The following MATK variants were observed in gnomAD, a reference collection of about 807,000 sequenced individuals.
MATK encodes the protein megakaryocyte-associated tyrosine kinase.
Under a neutral mutation model 59.8 loss-of-function variants are expected in MATK, and 41 were observed. The observed-to-expected ratio is 0.69, with a 90% CI of 0.53 to 0.89. The LOEUF (loss-of-function observed/expected upper bound fraction) is 0.89, where lower values mean the gene tolerates loss of function less well. MATK is among the 40% of genes least tolerant of loss of function. The pLI is 0.00. For synonymous variants in MATK, 308 were observed against 306.1 expected (o/e 1.01, Z -0.06); for missense variants, 593 against 719.6 (o/e 0.82, Z 2.01).
chr19:3,801,317 A>G (rs1407525736), intron 1 of MATK, among the ~76,000 whole-genome samples: 5 of 151,708 alleles, frequency 3.3e-5, no homozygotes, highest in African/African-American at 1.2e-4. Context: ...CTTTTCCCAA[A>G]CGACCCCCGA....
chr19:3,789,270 C>T (rs144949051), upstream of MATK: 9 of 777,722 alleles, frequency 1.2e-5, no homozygotes, highest in African/African-American at 1.5e-4. Context: ...ATTTGATTCT[C>T]ACCAGAAGCT....
At chr19:3,801,561 T>C (rs11671451) in exon 1 of MATK, 146,439 of 152,368 alleles carry the variant, frequency 0.96, 70,398 homozygotes, top group African/African-American at 0.99. Flanking sequence ...GGCTCGCAGC[T>C]AGCATCCGCA....
Position 3,779,075 on chromosome 19 carries a change from CA to C in MATK, c.1113del (p.Phe371LeufsTer11). ...SEDLVAKVSD[F>X]GLAKAERKGL... ...CCCTTCCGCTCGGCTTTGGCCAGGC[CA>C]AAGTCGCTGACCTTGGCCACCAGGT... On this transcript the variant is annotated frameshift_variant, in exon 12 of 14. Transcript: ENST00000310132. LOFTEE classifies it high-confidence loss of function. The C allele has an allele frequency of 6.2e-7, 1 of 1,609,098 alleles. No homozygotes were observed.
At chr19:3,788,598 AAC>A (rs1253030695), upstream of MATK, among the ~76,000 whole-genome samples, 2 of 143,134 alleles carry the variant, frequency 1.4e-5, no homozygotes, top group Non-Finnish European at 3.0e-5. Flanking sequence ...CAGCCTGGGC[AAC>A]AGAGTGAGAC....
chr19:3,800,204 A>C (rs2037630644), intron 1 of MATK, among the ~76,000 whole-genome samples: 5 of 152,308 alleles, frequency 3.3e-5, no homozygotes, highest in Admixed American at 3.3e-4. Context: ...GGGTCATGAG[A>C]AGAATTAAAT....
At chr19:3,796,615 T>C (rs2037597283) in intron 1 of MATK, among the ~76,000 whole-genome samples, 1 of 152,120 alleles carries the variant, frequency 6.6e-6, no homozygotes, top group African/African-American at 2.4e-5. Flanking sequence ...CCCCAGCCTC[T>C]CCACCAGAAC....
chr19:3,784,172 A>C lies in MATK; in HGVS notation c.314T>G (p.Leu105Arg). 6.2e-7 allele frequency: 1 copy of C among 1,613,382 alleles called. No homozygotes were observed. The highest frequency in any genetic ancestry group is 8.5e-7 in the Non-Finnish European group (1 of 1,179,746). Residue 105 changes from leucine (L) to arginine (R), a missense_variant, in exon 5 of 14, where the codon CTG becomes CGG. Leu to Arg is a moderately radical substitution (Grantham distance 102). Coordinates refer to ENST00000310132, the MANE Select transcript of MATK (RefSeq NM_139355.3). ...GQEGLLAAGA[L>R]REREALSADP... ...TGCGGAGAGGGCCTCCCGCTCCCGC[A>C]GCGCCCCAGCTGCCAGCAGCCCCTC...
In MATK at chr19:3,779,878, C is replaced by G. The variant is rs866187774; in HGVS notation, c.743-81G>C. ...AGAGAGACAGACGGACAGGCCCGCT[C>G]ACACCGGTGCCCATGTAACATTCAC... On this transcript the variant is annotated intron_variant, in intron 8 of 13. Coordinates refer to ENST00000310132, the MANE Select transcript of MATK (RefSeq NM_139355.3). The G allele has an allele frequency of 1.5e-4, 125 of 844,868 alleles. 3 individuals are homozygous for G. The Middle Eastern group carries it at 4.6e-3, about 31-fold the overall frequency. 52.3% of individuals were successfully genotyped at this position (844,868 alleles called of 1,614,324 possible).
intron 1 of MATK, among the ~76,000 whole-genome samples, chr19:3,799,410 C>T (rs1381110297): frequency 1.3e-5 from 2 of 152,188 alleles, no homozygotes; most frequent in African/African-American, 2.4e-5. Flanking sequence ...CCAAGGAAGG[C>T]AGTGAGTGTT....
intron 1 of MATK, among the ~76,000 whole-genome samples, chr19:3,792,866 C>A (rs2037556382): frequency 6.6e-6 from 1 of 152,184 alleles, no homozygotes; most frequent in Non-Finnish European, 1.5e-5. Flanking sequence ...GTGGGGAGGC[C>A]ACTGCAGCCA....
At position 3,784,043 on chromosome 19, in the gene MATK, CG is replaced by C; in HGVS notation, c.363-11del. The C allele has an allele frequency of 6.2e-7, 1 of 1,600,550 alleles. No homozygotes were observed. The highest frequency in any genetic ancestry group is 8.5e-7 in the Non-Finnish European group (1 of 1,172,016). On this transcript the variant is annotated splice_polypyrimidine_tract_variant and intron_variant, in intron 5 of 13. Coordinates refer to ENST00000310132, the MANE Select transcript of MATK (RefSeq NM_139355.3). ...CTTCCCGTGGAACCACCTGCGGCCA[CG>C]GAAGGGGTGGGTCAGACTGGGCTGT...
At chr19:3,796,549 T>G (rs1435280557) in intron 1 of MATK, among the ~76,000 whole-genome samples, 1 of 152,172 alleles carries the variant, frequency 6.6e-6, no homozygotes, top group Admixed American at 6.6e-5. Flanking sequence ...GGGACCTGCT[T>G]TTTTATTTCC....
At position 3,781,593 on chromosome 19, in the gene MATK, A is replaced by C. The variant is rs1462994971; in HGVS notation, c.742+14T>G. 2 of 1,613,650 alleles carry C rather than the reference A, an allele frequency of 1.2e-6. No individual in the cohort carries two copies. The highest frequency in any genetic ancestry group is 2.7e-5 in the African/African-American group (2 of 74,884). On this transcript the variant is annotated intron_variant, in intron 8 of 13. Transcript: ENST00000310132. ...CATCTTCCTTCAGCACCCCCAACCC[A>C]GTCCGCCACTCACCTCCAAACTCTC...
intron 1 of MATK, chr19:3,793,409 A>G (rs980566499): frequency 2.0e-5 from 3 of 152,164 alleles, no homozygotes; most frequent in Non-Finnish European, 4.4e-5. Context: ...CTACTAAAAA[A>G]ATACAAAAAT....
chr19:3,794,507 T>C (rs2037574206), intron 1 of MATK, among the ~76,000 whole-genome samples: 1 of 151,874 alleles, frequency 6.6e-6, no homozygotes, highest in East Asian at 1.9e-4. Flanking sequence ...TAAAATAAAC[T>C]AGCTGGGTGT....
upstream of MATK, among the ~76,000 whole-genome samples, chr19:3,788,785 G>A (rs2037514326): frequency 2.0e-5 from 3 of 151,940 alleles, no homozygotes; most frequent in Admixed American, 2.0e-4. Context: ...TCTGCCTCCT[G>A]GATTCAAGCA....
chr19:3,790,347 C>T (rs2037529147), upstream of MATK, among the ~76,000 whole-genome samples: 1 of 152,208 alleles, frequency 6.6e-6, no homozygotes, highest in Non-Finnish European at 1.5e-5. Flanking sequence ...CCCCTGTCAA[C>T]TTGATTTCAG....
intron 1 of MATK, among the ~76,000 whole-genome samples, chr19:3,798,468 G>A (rs1257109001): frequency 1.3e-5 from 2 of 152,166 alleles, no homozygotes; most frequent in African/African-American, 4.8e-5. Flanking sequence ...GAAGCCACAA[G>A]AGGTTAGACA....
At chr19:3,787,235 C>T (rs1319879266), upstream of MATK, among the ~76,000 whole-genome samples, 1 of 152,100 alleles carries the variant, frequency 6.6e-6, no homozygotes, top group Non-Finnish European at 1.5e-5. Context: ...TGGGCTCAAG[C>T]CAGCCTCCCG....
Sources: gnomAD v4.1 joint callset for allele counts (sites outside exome capture counted in the v4.1 genomes callset) on GRCh38, gnomAD v4.1.1 for gene constraint, MANE v1.5 for transcripts, NCBI Gene and HGNC (gene_info 2026-07-23, HGNC 2026-07-21) for gene names.